SLC24A3: variants seen among roughly 807,000 people sequenced by gnomAD.
The protein encoded by SLC24A3 is solute carrier family 24 member 3.
SLC24A3 carries 28 observed loss-of-function variants against 75.8 expected under a neutral mutation model. That is an observed-to-expected ratio of 0.37 (90% CI 0.27 to 0.51). The LOEUF (loss-of-function observed/expected upper bound fraction) is 0.51, where lower values mean the gene tolerates loss of function less well. Among genes scored for constraint, SLC24A3 ranks in the 20% least tolerant of loss-of-function variants. The probability of loss-of-function intolerance (pLI) is 0.94; values close to 1 mark genes in which losing one functional copy is unlikely to be tolerated. For synonymous variants in SLC24A3, 372 were observed against 334.1 expected, an observed-to-expected ratio of 1.11 and a Z score of -1.24; for missense variants, 663 against 847.8, an observed-to-expected ratio of 0.78 and a Z score of 2.71.
chr20:19,588,356 C>T (rs1035309378), intron 6 of SLC24A3, among the ~76,000 whole-genome samples: 3 of 152,126 alleles, frequency 2.0e-5, no homozygotes, highest in African/African-American at 7.2e-5. Context: ...TGCCCGTGGG[C>T]CTCCCTCTAT....
chr20:19,395,402 C>T (rs1986437184), intron 2 of SLC24A3, among the ~76,000 whole-genome samples: 2 of 152,142 alleles, frequency 1.3e-5, no homozygotes, highest in South Asian at 4.1e-4. Flanking sequence ...CAGAACTGAC[C>T]AATGTTAACA....
At chr20:19,472,119 G>A (rs1167676239) in intron 2 of SLC24A3, among the ~76,000 whole-genome samples, 1 of 152,236 alleles carries the variant, frequency 6.6e-6, no homozygotes, top group Non-Finnish European at 1.5e-5. Context: ...GATCCACTGG[G>A]GTGGGAGTTT....
Position 19,442,588 on chromosome 20 carries a change from G to A in SLC24A3, c.272-72900G>A, listed in dbSNP as rs573662404. Among the ~76,000 whole-genome samples the A allele has an allele frequency of 4.2e-4, 64 of 152,196 alleles. 1 individual carries two copies. Among genetic ancestry groups the A allele is most frequent in the African/African-American group, 1.3e-3 (56 of 41,524 alleles). On this transcript the variant is annotated intron_variant, in intron 2 of 16. Transcript: ENST00000328041. ...TATTGTTGAATTTAAAGAATTATTT[G>A]TGTAGATTGCTTACTAGTTCTTTAT...
chr20:19,256,504 C>G (rs1264716231), intron 1 of SLC24A3, among the ~76,000 whole-genome samples: 2 of 152,122 alleles, frequency 1.3e-5, no homozygotes, highest in African/African-American at 4.8e-5. Context: ...TGCAGTGGCT[C>G]ACGCTTGTAA....
intron 2 of SLC24A3, among the ~76,000 whole-genome samples, chr20:19,478,656 G>A (rs1416121637): frequency 2.0e-5 from 3 of 152,158 alleles, no homozygotes; most frequent in African/African-American, 4.8e-5. Flanking sequence ...ACCAACAAGA[G>A]GAGTCTGGGC....
At chr20:19,335,276 T>C (rs1985104494) in intron 2 of SLC24A3, among the ~76,000 whole-genome samples, 1 of 152,210 alleles carries the variant, frequency 6.6e-6, no homozygotes, top group Non-Finnish European at 1.5e-5. Context: ...CGGATATATA[T>C]CCACTGCCCC....
At chr20:19,546,182 A>AAAAAAAAAAAAAAAAAAC (rs1283634511) in intron 3 of SLC24A3, among the ~76,000 whole-genome samples, 20 of 140,226 alleles carry the variant, frequency 1.4e-4, no homozygotes, top group Non-Finnish European at 2.9e-4. Flanking sequence ...AAAAAAAAAA[A>AAAAAAAAAAAAAAAAAAC]AAAAAACCAG....
chr20:19,259,648 C>T (rs1982922084), intron 1 of SLC24A3, among the ~76,000 whole-genome samples: 1 of 152,174 alleles, frequency 6.6e-6, no homozygotes, highest in East Asian at 1.9e-4. Context: ...TCTTATCACC[C>T]TCAGATACTA....
chr20:19,674,942 A>G (rs962012063), intron 9 of SLC24A3, among the ~76,000 whole-genome samples: 1 of 152,174 alleles, frequency 6.6e-6, no homozygotes, highest in Admixed American at 6.5e-5. Context: ...AATCCCAGCT[A>G]CTTGGGAGGA....
chr20:19,425,135 T>C (rs1986984054), intron 2 of SLC24A3, among the ~76,000 whole-genome samples: 1 of 152,084 alleles, frequency 6.6e-6, no homozygotes. Context: ...AAACCCCGTC[T>C]CTACTAAAAA....
chr20:19,633,340 A>G (rs1304891581), intron 6 of SLC24A3, among the ~76,000 whole-genome samples: 3 of 152,136 alleles, frequency 2.0e-5, no homozygotes, highest in Admixed American at 1.3e-4. Flanking sequence ...TCTGTGTCCA[A>G]ATTCATTCTT....
chr20:19,288,897 T>A (rs1983875435), intron 2 of SLC24A3, among the ~76,000 whole-genome samples: 1 of 152,228 alleles, frequency 6.6e-6, no homozygotes, highest in Non-Finnish European at 1.5e-5. Flanking sequence ...ATGGCAACTT[T>A]TGCTCTATGA....
chr20:19,426,189 A>G (rs1987002967), intron 2 of SLC24A3, among the ~76,000 whole-genome samples: 1 of 152,168 alleles, frequency 6.6e-6, no homozygotes, highest in African/African-American at 2.4e-5. Context: ...CCATATCCCT[A>G]CATTGGTTCT....
At chr20:19,568,524 A>T (rs546165284) in intron 3 of SLC24A3, among the ~76,000 whole-genome samples, 11 of 152,360 alleles carry the variant, frequency 7.2e-5, no homozygotes, top group Middle Eastern at 6.8e-3. Context: ...AGGAAATATC[A>T]TATGATTTTA....
In SLC24A3 at chr20:19,417,773, T is replaced by C. The variant is rs113577053; in HGVS notation, c.272-97715T>C. 5.6e-3 allele frequency among the ~76,000 whole-genome samples: 858 copies of C among 152,318 alleles called. 6 individuals carry two copies. The highest frequency in any genetic ancestry group is 0.02 in the African/African-American group (815 of 41,572). ...TTTCTGAGTTGAACTAGAAACATTC[T>C]GACTCAGGCATCAGCCGAGGTGAGG... On this transcript the variant is annotated intron_variant, in intron 2 of 16. Coordinates refer to ENST00000328041, the MANE Select transcript of SLC24A3 (RefSeq NM_020689.4).
At position 19,306,188 on chromosome 20, in the gene SLC24A3, C is replaced by CCATTAATAGTCTATTAATAGCCATTAAT. The variant is rs1312170500; in HGVS notation, c.271+25101_271+25102insCATTAATAGTCTATTAATAGCCATTAAT. ...GCAACAAGAAGATATCATCTCACAT[C>CCATTAATAGTCTATTAATAGCCATTAAT]AGTCAGAATGGCTATTAATAAAAAG... On this transcript the variant is annotated intron_variant, in intron 2 of 16. Transcript: ENST00000328041. Among the ~76,000 whole-genome samples, 3 of 152,306 alleles carry CCATTAATAGTCTATTAATAGCCATTAAT rather than the reference C, an allele frequency of 2.0e-5. No individual in the cohort carries two copies. In the East Asian group the frequency reaches 5.8e-4, roughly 29 times the overall value.
intron 6 of SLC24A3, among the ~76,000 whole-genome samples, chr20:19,599,450 G>A (rs1441143149): frequency 2.6e-5 from 4 of 152,124 alleles, no homozygotes; most frequent in Non-Finnish European, 5.9e-5. Flanking sequence ...CATGTGTGAT[G>A]CGGTCCCTCC....
intron 1 of SLC24A3, among the ~76,000 whole-genome samples, chr20:19,228,398 C>T (rs1246625094): frequency 5.3e-5 from 8 of 151,966 alleles, no homozygotes; most frequent in South Asian, 2.1e-4. Flanking sequence ...CCAGCACTTT[C>T]GGAGGCTGAG....
chr20:19,231,374 A>C (rs1982018334), intron 1 of SLC24A3, among the ~76,000 whole-genome samples: 1 of 152,190 alleles, frequency 6.6e-6, no homozygotes, highest in South Asian at 2.1e-4. Context: ...TCAGGTTGCA[A>C]GTTAGCTGAC....
Sources: allele counts gnomAD v4.1 joint callset (sites outside exome capture counted in the v4.1 genomes callset), GRCh38; gene constraint gnomAD v4.1.1; transcripts MANE v1.5; gene names NCBI Gene and HGNC (gene_info 2026-07-23, HGNC 2026-07-21).